WDR59: variants seen among roughly 807,000 people sequenced by gnomAD.
The protein encoded by WDR59 is WD repeat domain 59, also known as GATOR2 complex protein WDR59.
Under a neutral mutation model 131.2 loss-of-function variants are expected in WDR59, and 100 were observed. The ratio of observed to expected loss-of-function variants is 0.76; its 90% CI spans 0.65 to 0.90. WDR59 has a LOEUF of 0.90. WDR59 is among the 40% of genes least tolerant of loss of function. The probability of loss-of-function intolerance (pLI) is 0.00; values close to 1 mark genes in which losing one functional copy is unlikely to be tolerated. For missense variants in WDR59, 1,203 were observed against 1,262.2 expected (o/e 0.95, Z 0.71); for synonymous variants, 601 against 466.2 (o/e 1.29, Z -3.72).
intron 8 of WDR59, among the ~76,000 whole-genome samples, chr16:74,931,543 C>T (rs926213248): frequency 6.6e-6 from 1 of 151,968 alleles, no homozygotes; most frequent in Non-Finnish European, 1.5e-5. Context: ...TGCCATGTTG[C>T]CCAGGCTGGT....
intron 1 of WDR59, among the ~76,000 whole-genome samples, chr16:74,979,664 C>T (rs947263030): frequency 4.0e-5 from 6 of 151,006 alleles, no homozygotes; most frequent in Non-Finnish European, 8.9e-5. Flanking sequence ...CCTCAGCCAC[C>T]CGAGTAGCTG....
In WDR59 at chr16:74,893,679, A is replaced by C; in HGVS notation, c.2000T>G (p.Ile667Arg). Reference protein sequence around the residue: ...PVHKSLGELYILNVNDIQETC... With the variant: ...PVHKSLGELYRLNVNDIQETC... Reference sequence around the variant, plus strand: ...AGCAGACTTGAAATTTTGTACTTACATGTACAGCTCTCCCAGCGATTTGTG... The same window carrying C: ...AGCAGACTTGAAATTTTGTACTTACCTGTACAGCTCTCCCAGCGATTTGTG... The change falls in exon 19 of 26, where the codon ATA (isoleucine) becomes AGA (arginine). Residue 667 changes from isoleucine (I) to arginine (R), a missense_variant and splice_region_variant. By Grantham distance (97) the Ile-to-Arg change is moderately conservative. Transcript: ENST00000262144. 6.2e-7 allele frequency: 1 copy of C among 1,614,072 alleles called. No individual in the cohort carries two copies. Among genetic ancestry groups the C allele is most frequent in the South Asian group, 1.1e-5 (1 of 91,068 alleles).
chr16:74,891,635 C>T (rs528466766), intron 20 of WDR59, among the ~76,000 whole-genome samples: 30 of 152,202 alleles, frequency 2.0e-4, no homozygotes, highest in African/African-American at 3.9e-4. Context: ...GCATAAAGAA[C>T]AAAAAGACTG....
intron 17 of WDR59, among the ~76,000 whole-genome samples, chr16:74,907,501 C>T (rs1032721819): frequency 1.3e-5 from 2 of 152,202 alleles, no homozygotes; most frequent in African/African-American, 4.8e-5. Context: ...TCTTCTCCTT[C>T]CAACACGATT....
chr16:74,979,633 TG>T (rs1330724754), intron 1 of WDR59, among the ~76,000 whole-genome samples: 1 of 151,144 alleles, frequency 6.6e-6, no homozygotes, highest in Admixed American at 6.6e-5. Context: ...CTCCACCTCC[TG>T]GGTTCAAGCG....
At chr16:74,969,802 G>A (rs1394884755) in intron 1 of WDR59, among the ~76,000 whole-genome samples, 3 of 151,450 alleles carry the variant, frequency 2.0e-5, no homozygotes, top group Admixed American at 6.6e-5. Flanking sequence ...TAAGGTGATC[G>A]CCACCTCAGC....
At chr16:74,895,257 G>T (rs1362468023) in intron 18 of WDR59, among the ~76,000 whole-genome samples, 1 of 152,000 alleles carries the variant, frequency 6.6e-6, no homozygotes, top group Non-Finnish European at 1.5e-5. Flanking sequence ...TAACCCGTTT[G>T]ATCTTTTTAT....
At chr16:74,961,291 A>T (rs946563530) in intron 2 of WDR59, among the ~76,000 whole-genome samples, 6 of 152,130 alleles carry the variant, frequency 3.9e-5, no homozygotes, top group African/African-American at 1.4e-4. Flanking sequence ...ACAGAGTGAA[A>T]CCTTGTCTCA....
chr16:74,922,192 A>T (rs1329923189), intron 9 of WDR59, 89 bp from the exon 10 acceptor site: 1 of 1,527,450 alleles, frequency 6.5e-7, no homozygotes. Flanking sequence ...ATTCTTCCTA[A>T]GTAAAATAAA....
intron 1 of WDR59, among the ~76,000 whole-genome samples, chr16:74,979,838 C>CTTTTTTTTTTTTTTTT (rs56943510): frequency 3.3e-5 from 2 of 60,472 alleles, no homozygotes; most frequent in Non-Finnish European, 3.0e-5. Context: ...CACACCCGGC[C>CTTTTTTTTTTTTTTTT]TTTTTTTTTT....
chr16:74,955,388 G>A (rs1478137952), intron 3 of WDR59, among the ~76,000 whole-genome samples: 1 of 152,180 alleles, frequency 6.6e-6, no homozygotes, highest in African/African-American at 2.4e-5. Flanking sequence ...CAAGCCAGTA[G>A]TGCCAAGGTT....
intron 10 of WDR59, among the ~76,000 whole-genome samples, chr16:74,918,230 T>C (rs1031634994): frequency 6.6e-6 from 1 of 152,156 alleles, no homozygotes; most frequent in African/African-American, 2.4e-5. Context: ...AAATATCTGA[T>C]AAAACATCTG....
chr16:74,965,667 A>T, intron 2 of WDR59, 106 bp downstream of exon 2: 1 of 1,367,580 alleles, frequency 7.3e-7, no homozygotes. Flanking sequence ...ACTAAACCCT[A>T]TGATCATAAT....
At chr16:74,931,067 G>A (rs1419271854) in intron 8 of WDR59, among the ~76,000 whole-genome samples, 1 of 151,782 alleles carries the variant, frequency 6.6e-6, no homozygotes, top group Non-Finnish European at 1.5e-5. Flanking sequence ...TGATAATTTG[G>A]ATTTATAAAT....
chr16:74,938,101 G>C (rs938547596), intron 8 of WDR59, 49 bp downstream of exon 8: 4 of 1,290,276 alleles, frequency 3.1e-6, no homozygotes, highest in East Asian at 2.7e-5. Flanking sequence ...ATACATCCCT[G>C]ATGCCACCCA....
intron 2 of WDR59, 99 bp from the exon 3 acceptor site, chr16:74,956,709 T>G: frequency 6.8e-7 from 1 of 1,480,480 alleles, no homozygotes; most frequent in African/African-American, 1.4e-5. Context: ...TTGCAAGCAG[T>G]GCTCCAAAAA....
In WDR59 at chr16:74,890,603, T is replaced by C. The variant is rs182482410; in HGVS notation, c.2083-788A>G. Among the ~76,000 whole-genome samples, 357 of 152,324 alleles carry C rather than the reference T, an allele frequency of 2.3e-3. 1 individual carries two copies. The highest frequency in any genetic ancestry group is 4.1e-3 in the South Asian group (20 of 4,820). On this transcript the variant is annotated intron_variant, in intron 20 of 25. Coordinates refer to ENST00000262144, the MANE Select transcript of WDR59 (RefSeq NM_030581.4). ...ATTATAAAAGTTTCAGTATCCTCTC[T>C]GAAGCTAAAAAGTAACAATAATAAC... is the stretch of plus-strand genomic sequence containing the variant.
chr16:74,942,266 G>A (rs1253137205), intron 7 of WDR59, among the ~76,000 whole-genome samples: 1 of 152,098 alleles, frequency 6.6e-6, no homozygotes, highest in African/African-American at 2.4e-5. Context: ...TAAGCATCAT[G>A]AGCACCCTAC....
At chr16:74,971,910 T>C (rs1409089335) in intron 1 of WDR59, among the ~76,000 whole-genome samples, 1 of 148,422 alleles carries the variant, frequency 6.7e-6, no homozygotes, top group Non-Finnish European at 1.5e-5. Flanking sequence ...GGGGTCGCTA[T>C]GTAGCCCAGT....
Sources: gnomAD v4.1 joint callset for allele counts (sites outside exome capture counted in the v4.1 genomes callset) on GRCh38, gnomAD v4.1.1 for gene constraint, MANE v1.5 for transcripts, NCBI Gene and HGNC (gene_info 2026-07-23, HGNC 2026-07-21) for gene names.